FGF13: variants seen among roughly 807,000 people sequenced by gnomAD.
FGF13 encodes the protein fibroblast growth factor homologous factor 2.
FGF13 carries 2 observed loss-of-function variants against 19.5 expected under a neutral mutation model. The observed-to-expected ratio is 0.10, with a 90% CI of 0.04 to 0.32. The LOEUF (loss-of-function observed/expected upper bound fraction) is 0.32. Among genes scored for constraint, FGF13 ranks in the 10% least tolerant of loss-of-function variants. FGF13 has a pLI of 1.00. For synonymous variants in FGF13, 72 were observed against 76.9 expected (o/e 0.94, Z 0.33); for missense variants, 113 against 192.7 (o/e 0.59, Z 2.45).
intron 1 of FGF13, among the ~76,000 whole-genome samples, chrX:139,124,783 T>C (rs2083703259): frequency 8.9e-6 from 1 of 112,080 alleles, no homozygotes; most frequent in Non-Finnish European, 1.9e-5. Flanking sequence ...CAATGAGCAG[T>C]TGCTATTATT....
chrX:138,744,136 AT>A (rs2090339529), upstream of FGF13, among the ~76,000 whole-genome samples: 1 of 111,682 alleles, frequency 9.0e-6, no homozygotes, highest in African/African-American at 3.3e-5. Flanking sequence ...GGAAACCTTC[AT>A]TCCTGTCAAC....
intron 1 of FGF13, among the ~76,000 whole-genome samples, chrX:139,069,730 A>T (rs1393164343): frequency 1.8e-5 from 2 of 112,509 alleles, no homozygotes; most frequent in African/African-American, 6.5e-5. Context: ...ACTTCACACT[A>T]TACTACAAGG....
chrX:138,690,884 T>C (rs184413283), intron 3 of FGF13, among the ~76,000 whole-genome samples: 200 of 111,482 alleles, frequency 1.8e-3, no homozygotes, highest in African/African-American at 5.5e-3. Flanking sequence ...TATTAACAAT[T>C]ACAGATCTGA....
At chrX:138,962,712 G>A (rs1261077838) in intron 1 of FGF13, among the ~76,000 whole-genome samples, 1 of 111,676 alleles carries the variant, frequency 9.0e-6, no homozygotes, top group African/African-American at 3.3e-5. Flanking sequence ...GGATGAAGCT[G>A]GAAACCATCA....
Position 138,637,035 on chromosome X carries a change from A to G in FGF13, c.403-1380T>C, listed in dbSNP as rs986873922. 1.3e-4 allele frequency among the ~76,000 whole-genome samples: 14 copies of G among 111,505 alleles called. No homozygotes were observed. In the East Asian group the frequency reaches 2.8e-3, roughly 23 times the overall value. ...AGTGTTTCACACAGTAATCTGCCTAATCTCCCCCCATCTTCCCAATCTGGC... is the reference window on the plus strand; with the variant it reads ...AGTGTTTCACACAGTAATCTGCCTAGTCTCCCCCCATCTTCCCAATCTGGC... On this transcript the variant is annotated intron_variant, in intron 3 of 4. Transcript: ENST00000315930.
At chrX:138,980,674 G>GT (rs1569435165) in intron 1 of FGF13, among the ~76,000 whole-genome samples, 1 of 33,823 alleles carries the variant, frequency 3.0e-5, no homozygotes, top group African/African-American at 9.9e-5. Flanking sequence ...CCAGAAGTGT[G>GT]GTTTTTTTTT....
upstream of FGF13, among the ~76,000 whole-genome samples, chrX:139,204,574 G>C (rs1350110725): frequency 8.9e-6 from 1 of 112,917 alleles, no homozygotes; most frequent in South Asian, 3.6e-4. Context: ...TGGGCTGCCC[G>C]CGCACTGGCA....
intron 1 of FGF13, among the ~76,000 whole-genome samples, chrX:139,176,343 A>C (rs1394314701): frequency 9.2e-6 from 1 of 108,191 alleles, no homozygotes; most frequent in Non-Finnish European, 1.9e-5. Flanking sequence ...TAATCTTTTC[A>C]AAAAATCAGC....
At chrX:138,984,953 A>G in intron 1 of FGF13, 1 of 324,569 alleles carries the variant, frequency 3.1e-6, no homozygotes. Context: ...TACAGTACAA[A>G]TAGGATAAAG....
At chrX:138,710,652 C>G (rs775414285) in intron 1 of FGF13, among the ~76,000 whole-genome samples, 165 bp downstream of exon 1, 1 of 112,535 alleles carries the variant, frequency 8.9e-6, no homozygotes, top group Non-Finnish European at 1.9e-5. Context: ...GTTACTGTTA[C>G]GGAGGCAAGA....
intron 3 of FGF13, among the ~76,000 whole-genome samples, chrX:138,698,421 C>G (rs185096910): frequency 1.8e-5 from 2 of 111,809 alleles, no homozygotes; most frequent in Non-Finnish European, 3.8e-5. Context: ...TTTCCATCAT[C>G]TCAAGAAATA....
At chrX:138,964,101 A>G (rs145571493) in intron 1 of FGF13, among the ~76,000 whole-genome samples, 2,835 of 111,928 alleles carry the variant, frequency 0.025, 94 homozygotes, top group African/African-American at 0.087. Context: ...AGTTGATAAG[A>G]AAGTCCCAAG....
At chrX:139,164,034 GC>G (rs1185868184) in intron 1 of FGF13, among the ~76,000 whole-genome samples, 1 of 110,463 alleles carries the variant, frequency 9.1e-6, no homozygotes, top group African/African-American at 3.3e-5. Flanking sequence ...TAAGGTGGGG[GC>G]TGACAGCTCT....
intron 1 of FGF13, among the ~76,000 whole-genome samples, chrX:139,121,538 C>G (rs1312268562): frequency 5.4e-5 from 6 of 111,056 alleles, no homozygotes; most frequent in Non-Finnish European, 7.5e-5. Context: ...GCTGGGACAA[C>G]AGGCATGTGC....
Position 138,781,223 on chromosome X carries a change from A to T in FGF13, c.218-72295T>A, listed in dbSNP as rs5976202. Among the ~76,000 whole-genome samples the T allele has an allele frequency of 4.7e-4, 52 of 110,030 alleles. No individual in the cohort carries two copies. The East Asian group carries it at 0.012, about 26-fold the overall frequency. ...CCTACAAGAGAAAGCAGGAAAGATC[A>T]AAAATTGACACCCTAACATCACAAT... On this transcript the variant is annotated intron_variant, in intron 3 of 6. Coordinates refer to the FGF13 transcript ENST00000436198.
At chrX:138,916,167 G>A (rs1230681290) in intron 1 of FGF13, among the ~76,000 whole-genome samples, 1 of 111,785 alleles carries the variant, frequency 8.9e-6, no homozygotes, top group Non-Finnish European at 1.9e-5. Flanking sequence ...TCGATTGCAA[G>A]ACAGCAGGAG....
intron 3 of FGF13, among the ~76,000 whole-genome samples, chrX:138,769,521 A>G (rs1045640615): frequency 8.9e-6 from 1 of 112,019 alleles, no homozygotes; most frequent in Non-Finnish European, 1.9e-5. Context: ...TTATTATACC[A>G]TTATAACCAT....
At chrX:138,737,805 C>T (rs2090289972) in intron 1 of FGF13, among the ~76,000 whole-genome samples, 1 of 112,099 alleles carries the variant, frequency 8.9e-6, no homozygotes, top group Non-Finnish European at 1.9e-5. Flanking sequence ...AGTAAAGAGG[C>T]ATATAGTCTG....
intron 1 of FGF13, among the ~76,000 whole-genome samples, chrX:138,873,552 C>T (rs183663447): frequency 3.9e-4 from 44 of 111,539 alleles, no homozygotes; most frequent in Admixed American, 6.7e-4. Context: ...GAGTAATGTC[C>T]ACACTGGGAG....
Sources: allele counts gnomAD v4.1 joint callset (sites outside exome capture counted in the v4.1 genomes callset), GRCh38; gene constraint gnomAD v4.1.1; transcripts MANE v1.5; gene names NCBI Gene and HGNC (gene_info 2026-07-23, HGNC 2026-07-21).